EGR2: variants seen among roughly 807,000 people sequenced by gnomAD.
EGR2 encodes E3 SUMO-protein ligase EGR2.
In EGR2, 2 loss-of-function variants were observed where a neutral mutation model predicts 21.2. That is an observed-to-expected ratio of 0.09 (90% CI 0.04 to 0.30). The LOEUF (loss-of-function observed/expected upper bound fraction) is 0.30. Ranked by LOEUF, EGR2 falls within the 10% of genes least tolerant of loss-of-function variation. The pLI is 1.00. For synonymous variants in EGR2, 282 were observed against 258.2 expected (o/e 1.09, Z -0.88); for missense variants, 458 against 630.2 (o/e 0.73, Z 2.93).
chr10:62,817,152 G>A (rs1233392464), upstream of EGR2, among the ~76,000 whole-genome samples: 1 of 152,158 alleles, frequency 6.6e-6, no homozygotes, highest in Non-Finnish European at 1.5e-5. This position sits in a 1 kb window ranked among gnomAD's most constrained non-coding sequence, Gnocchi z 4.4. Context: ...CTCAGCCGGA[G>A]ACACCCTCCT....
chr10:62,819,140 C>T (rs1408444940), upstream of EGR2: 1 of 152,384 alleles, frequency 6.6e-6, no homozygotes, highest in Non-Finnish European at 1.5e-5. Context: ...CAAGGACTCA[C>T]ACCTCCCCCT....
At chr10:62,816,817 C>G (rs1031573553), upstream of EGR2, among the ~76,000 whole-genome samples, 4 of 151,954 alleles carry the variant, frequency 2.6e-5, no homozygotes, top group Admixed American at 2.6e-4. Context: ...GGAAAGAAAC[C>G]GAGCGGAGCC....
At chr10:62,817,539 C>T (rs1009341566), upstream of EGR2, among the ~76,000 whole-genome samples, 5 of 152,184 alleles carry the variant, frequency 3.3e-5, no homozygotes, top group African/African-American at 1.2e-4. This position sits in a 1 kb window ranked among gnomAD's most constrained non-coding sequence, Gnocchi z 4.4. Context: ...CCCCCTGACC[C>T]CCATAGCCCA....
upstream of EGR2, among the ~76,000 whole-genome samples, chr10:62,818,895 G>T (rs529512002): frequency 2.6e-5 from 4 of 152,236 alleles, no homozygotes; most frequent in South Asian, 8.3e-4. Flanking sequence ...GCCACCCCGA[G>T]GGGGAGCTCC....
Position 62,816,043 on chromosome 10 carries a change from A to G in EGR2, c.-14T>C. ...GGCGGTCATCATTTGCTCCTCGCAC[A>G]ACCTGGAGACCCAACTCCCTCGCTA... is the stretch of plus-strand genomic sequence containing the variant. On this transcript the variant is annotated 5_prime_UTR_variant, in exon 1 of 2. Transcript: ENST00000242480. The G allele has an allele frequency of 6.2e-7, 1 of 1,614,138 alleles. No homozygotes were observed. The highest frequency in any genetic ancestry group is 8.5e-7 in the Non-Finnish European group (1 of 1,180,026).
At chr10:62,817,394 TCC>T (rs1838277503), upstream of EGR2, among the ~76,000 whole-genome samples, 1 of 152,030 alleles carries the variant, frequency 6.6e-6, no homozygotes, top group East Asian at 1.9e-4. This position sits in a 1 kb window ranked among gnomAD's most constrained non-coding sequence, Gnocchi z 4.4. Flanking sequence ...ACTACACACC[TCC>T]CTGTTGACTG....
chr10:62,815,891 G>C lies in EGR2; in HGVS notation c.139C>G (p.Pro47Ala), dbSNP rs778369129. 4 of 1,613,974 alleles carry C rather than the reference G, an allele frequency of 2.5e-6. No individual in the cohort carries two copies. The highest frequency in any genetic ancestry group is 2.7e-5 in the African/African-American group (2 of 74,934). Residue 47 changes from proline (P) to alanine (A), a missense_variant, in exon 1 of 2, where the codon CCC becomes GCC. By Grantham distance (27) the Pro-to-Ala change is conservative (BLOSUM62 -1). Around this residue, in one of 5 missense-constraint regions of EGR2, gnomAD observed 91 missense variants for 105.2 expected, o/e 0.87. Transcript: ENST00000242480. ...TIFPNAELGG[P>A]FDQMNGVAGD... Reference sequence around the variant, plus strand: ...GCCACTCCGTTCATCTGGTCAAAGGGGCCTCCCAGTTCGGCATTGGGAAAG... The same window carrying C: ...GCCACTCCGTTCATCTGGTCAAAGGCGCCTCCCAGTTCGGCATTGGGAAAG...
In EGR2 at chr10:62,812,460, A is replaced by G. The variant is rs2132698851; in HGVS notation, c.*747T>C. The G allele has an allele frequency of 6.5e-6, 1 of 152,904 alleles. No individual in the cohort carries two copies. Among genetic ancestry groups the G allele is most frequent in the African/African-American group, 2.4e-5 (1 of 41,576 alleles). The allele number at this position is 152,904 out of a possible 1,614,324, so 9.5% of individuals were successfully genotyped here. A position where few individuals can be genotyped will look rare whatever the true frequency, so the allele number is the denominator to read the frequency against. ...ATAAATGCTTTACATTTTTTCCCAAAGATTCAGAATTTAGAGAACAGTGTA... is the reference window on the plus strand; with the variant it reads ...ATAAATGCTTTACATTTTTTCCCAAGGATTCAGAATTTAGAGAACAGTGTA... On this transcript the variant is annotated 3_prime_UTR_variant, in exon 2 of 2. Transcript: ENST00000242480.
rs1015826966 is a variant in EGR2, at chr10:62,812,259, T to C, written c.*948A>G. 1 of 111,358 alleles carries C rather than the reference T, an allele frequency of 9.0e-6. No homozygotes were observed. The highest frequency in any genetic ancestry group is 3.6e-5 in the African/African-American group (1 of 28,152). 6.9% of individuals were successfully genotyped at this position (111,358 alleles called of 1,614,324 possible). ...ATTAATAGGCAGAAATATACAGCCATACTAAACTCAGGGAGTGATTTTTTT... is the reference window on the plus strand; with the variant it reads ...ATTAATAGGCAGAAATATACAGCCACACTAAACTCAGGGAGTGATTTTTTT... On this transcript the variant is annotated 3_prime_UTR_variant, in exon 2 of 2. Coordinates refer to ENST00000242480, the MANE Select transcript of EGR2 (RefSeq NM_000399.5).
At chr10:62,818,607 A>G (rs1440798313), upstream of EGR2, 1 of 1,277,278 alleles carries the variant, frequency 7.8e-7, no homozygotes, top group East Asian at 5.9e-5. Flanking sequence ...ACCATGGGCA[A>G]GACGACGCCT....
At chr10:62,815,128 G>A (rs1376528836) in intron 1 of EGR2, among the ~76,000 whole-genome samples, 1 of 152,234 alleles carries the variant, frequency 6.6e-6, no homozygotes, top group East Asian at 1.9e-4. Flanking sequence ...CTCAGCCCAA[G>A]GCCAGTGGCC....
Position 62,813,585 on chromosome 10 carries a change from G to A in EGR2, c.1053C>T (p.Phe351=), listed in dbSNP as rs754645141. The A allele has an allele frequency of 4.3e-6, 7 of 1,612,866 alleles. No individual in the cohort carries two copies. In the East Asian group the frequency reaches 1.6e-4, roughly 36 times the overall value. The change falls in exon 2 of 2, where the codon TTC becomes TTT. Residue 351 remains phenylalanine, a synonymous_variant. Coordinates refer to ENST00000242480, the MANE Select transcript of EGR2 (RefSeq NM_000399.5). The surrounding 1 kb of genome is among the most constrained non-coding windows in gnomAD (Gnocchi z 5.7). ...GCCGTGTCAGCTCGTCAGAGCGGGAGAACCGCCGGTCGCAGCCTTCTGCTG... is the reference window on the plus strand; with the variant it reads ...GCCGTGTCAGCTCGTCAGAGCGGGAAAACCGCCGGTCGCAGCCTTCTGCTG... ...PCPAEGCDRR[F]SRSDELTRHI... is the part of the protein sequence containing the mutation.
In EGR2 at chr10:62,814,250, T is replaced by C. The variant is rs1564707625; in HGVS notation, c.388A>G (p.Thr130Ala). 1.2e-6 allele frequency: 2 copies of C among 1,613,986 alleles called. No individual in the cohort carries two copies. The highest frequency in any genetic ancestry group is 3.3e-5 in the Admixed American group (2 of 60,008). The change falls in exon 2 of 2, where the codon ACC becomes GCC. Residue 130 changes from threonine to alanine, a missense_variant. Thr to Ala is a moderately conservative substitution (Grantham distance 58). Transcript: ENST00000242480. This position sits in a 1 kb window ranked among gnomAD's most constrained non-coding sequence, Gnocchi z 4.8. ...GAGGTGACGCTGGATGAGGCTGTGG[T>C]TGAAGCTGGGGAAGTGACCCCTTGC... ...ILQGVTSPAS[T>A]TASSSVTSAS...
chr10:62,813,681 G>A lies in EGR2; in HGVS notation c.957C>T (p.Pro319=), dbSNP rs772281054. 5.0e-6 allele frequency: 8 copies of A among 1,613,414 alleles called. No individual in the cohort carries two copies. The South Asian group carries it at 8.8e-5, about 18-fold the overall frequency. The change falls in exon 2 of 2, where the codon CCC becomes CCT. Residue 319 remains proline, a synonymous_variant. Coordinates refer to ENST00000242480, the MANE Select transcript of EGR2 (RefSeq NM_000399.5). The surrounding 1 kb of genome is among the most constrained non-coding windows in gnomAD (Gnocchi z 5.7). The part of the protein sequence containing the change: ...AYNPHHLPLR[P]ILRPRKYPNR... ...TGGGGTACTTGCGAGGCCTCAGAAT[G>A]GGCCGCAGTGGCAGGTGGTGTGGGT...
upstream of EGR2, among the ~76,000 whole-genome samples, chr10:62,817,862 T>G (rs1471586722): frequency 2.0e-5 from 3 of 152,162 alleles, no homozygotes; most frequent in Non-Finnish European, 4.4e-5. This position sits in a 1 kb window ranked among gnomAD's most constrained non-coding sequence, Gnocchi z 4.4. Context: ...CAGCCCGCAA[T>G]GGATAGCCGG....
chr10:62,814,377 G>A lies in EGR2; in HGVS notation c.261C>T (p.Asn87=). The A allele has an allele frequency of 6.2e-7, 1 of 1,614,170 alleles. No homozygotes were observed. The highest frequency in any genetic ancestry group is 8.5e-7 in the Non-Finnish European group (1 of 1,180,026). The change falls in exon 2 of 2, where the codon AAC becomes AAT. Residue 87 remains asparagine, a synonymous_variant. Coordinates refer to ENST00000242480, the MANE Select transcript of EGR2 (RefSeq NM_000399.5). The surrounding 1 kb of genome is among the most constrained non-coding windows in gnomAD (Gnocchi z 4.8). The part of the protein sequence containing the change: ...SSFAPVSAPR[N]QTFTYMGKFS... ...ACTTGCCCATGTAAGTGAAGGTCTG[G>A]TTTCTAGGTGCAGAGACGGGAGCAA... is the stretch of plus-strand genomic sequence containing the variant.
chr10:62,816,330 C>T lies in EGR2; in HGVS notation c.-301G>A, dbSNP rs774969138. The T allele has an allele frequency of 1.8e-4, 224 of 1,269,118 alleles. 1 individual carries two copies. Among genetic ancestry groups the T allele is most frequent in the Admixed American group, 1.6e-3 (47 of 29,832 alleles). The allele number at this position is 1,269,118 out of a possible 1,614,324, so 78.6% of individuals were successfully genotyped here. A position where few individuals can be genotyped will look rare whatever the true frequency, so the allele number is the denominator to read the frequency against. On this transcript the variant is annotated 5_prime_UTR_variant, in exon 1 of 2. Transcript: ENST00000242480. ...GTTATTATAACAGTCAGTGAGTCCC[C>T]TCGCCGAGCTATTAATCAATTGCTC... is the stretch of plus-strand genomic sequence containing the variant.
Position 62,813,615 on chromosome 10 carries a change from C to T in EGR2, c.1023G>A (p.Pro341=), listed in dbSNP as rs542854133. The T allele has an allele frequency of 6.2e-6, 10 of 1,612,924 alleles. No homozygotes were observed. The South Asian group carries it at 7.7e-5, about 12-fold the overall frequency. The stretch of plus-strand genomic sequence containing the variant: ...GCCGGTCGCAGCCTTCTGCTGGGCA[C>T]GGGTAGGGCCTCTCGTGCACCGGCG... ...SKTPVHERPY[P]CPAEGCDRRF... is the part of the protein sequence containing the mutation. Residue 341 remains proline, a synonymous_variant, in exon 2 of 2, where the codon CCG becomes CCA. Coordinates refer to ENST00000242480, the MANE Select transcript of EGR2 (RefSeq NM_000399.5). The surrounding 1 kb of genome is among the most constrained non-coding windows in gnomAD (Gnocchi z 5.7).
In EGR2 at chr10:62,815,919, G is replaced by A. The variant is rs1842256472; in HGVS notation, c.111C>T (p.Thr37=). The A allele has an allele frequency of 1.9e-6, 3 of 1,614,074 alleles. No individual in the cohort carries two copies. Among genetic ancestry groups the A allele is most frequent in the Non-Finnish European group, 2.5e-6 (3 of 1,180,016 alleles). ...CTCCCAGTTCGGCATTGGGAAAGAT[G>A]GTCACCGACGTGGCGGCGAGGTCCT... ...PVEDLAATSV[T]IFPNAELGGP... Residue 37 remains threonine, a synonymous_variant, in exon 1 of 2, where the codon ACC becomes ACT. Transcript: ENST00000242480.
Sources: allele counts gnomAD v4.1 joint callset (sites outside exome capture counted in the v4.1 genomes callset), GRCh38; gene constraint gnomAD v4.1.1; regional missense constraint gnomAD v4.1.1; non-coding constraint Gnocchi (gnomAD v3.1); transcripts MANE v1.5; gene names NCBI Gene and HGNC (gene_info 2026-07-23, HGNC 2026-07-21).